Variants in OSTN observed in about 807,000 individuals in gnomAD.
OSTN encodes the protein osteocrin.
Under a neutral mutation model 12.0 loss-of-function variants are expected in OSTN, and 9 were observed. That is an observed-to-expected ratio of 0.75 (90% CI 0.45 to 1.30). The LOEUF (loss-of-function observed/expected upper bound fraction) is 1.30, where lower values mean the gene tolerates loss of function less well. OSTN is among the 50% of genes most tolerant of loss of function. OSTN has a pLI of 0.00. For missense variants in OSTN, 148 were observed against 152.3 expected, an observed-to-expected ratio of 0.97 and a Z score of 0.15; for synonymous variants, 59 against 56.9, an observed-to-expected ratio of 1.04 and a Z score of -0.16.
chr3:191,202,986 A>G (rs1276916484), intron 1 of OSTN, among the ~76,000 whole-genome samples: 3 of 152,220 alleles, frequency 2.0e-5, no homozygotes, highest in Non-Finnish European at 4.4e-5. Context: ...TAAAGTTTAG[A>G]GGAATGATTA....
At position 191,212,613 on chromosome 3, in the gene OSTN, A is replaced by G. The variant is rs747015348; in HGVS notation, c.81A>G (p.Ser27=). ...TGTGGAGCTCAGGAAAAGTCCTCTC[A>G]GTAGATGTAACAACAACAGAGGTAA... The part of the protein sequence containing the change: ...LTLWSSGKVL[S]VDVTTTEAFD... Residue 27 remains serine (S), a synonymous_variant, in exon 2 of 5, where the codon TCA becomes TCG. Coordinates refer to ENST00000682035, the MANE Select transcript of OSTN (RefSeq NM_198184.2). 43 of 1,570,032 alleles carry G rather than the reference A, an allele frequency of 2.7e-5. No individual in the cohort carries two copies.
intron 1 of OSTN, among the ~76,000 whole-genome samples, chr3:191,211,804 C>T (rs533519309): frequency 2.2e-4 from 33 of 152,002 alleles, no homozygotes; most frequent in African/African-American, 7.5e-4. Flanking sequence ...ATAACTTTGG[C>T]CCATTTTTAT....
intron 3 of OSTN, among the ~76,000 whole-genome samples, chr3:191,223,083 A>G (rs1233560561): frequency 1.7e-4 from 26 of 152,290 alleles, no homozygotes; most frequent in Admixed American, 1.5e-3. Context: ...CCTTCATAGC[A>G]GTGTGAGAAT....
chr3:191,262,698 G>A (rs1051304697), intron 4 of OSTN, among the ~76,000 whole-genome samples, 168 bp from the exon 5 acceptor site: 7 of 152,110 alleles, frequency 4.6e-5, no homozygotes, highest in African/African-American at 1.4e-4. Context: ...AACTGAAATT[G>A]TTATTTTGCA....
At chr3:191,239,963 C>A (rs1315032084) in intron 3 of OSTN, among the ~76,000 whole-genome samples, 1 of 152,118 alleles carries the variant, frequency 6.6e-6, no homozygotes, top group African/African-American at 2.4e-5. Flanking sequence ...CAACAGGAAG[C>A]CCTGTGAAAT....
intron 1 of OSTN, among the ~76,000 whole-genome samples, chr3:191,204,078 CG>C (rs1159332213): frequency 2.6e-5 from 4 of 152,062 alleles, no homozygotes; most frequent in Non-Finnish European, 5.9e-5. Flanking sequence ...GTAGTAGAAA[CG>C]GGGTTTCACC....
chr3:191,226,690 T>C (rs1274767853), intron 3 of OSTN, among the ~76,000 whole-genome samples: 1 of 152,164 alleles, frequency 6.6e-6, no homozygotes, highest in Non-Finnish European at 1.5e-5. Context: ...TGCCCATAGA[T>C]AGATCAGAAG....
intron 4 of OSTN, among the ~76,000 whole-genome samples, chr3:191,253,561 C>A (rs1715609378): frequency 6.6e-6 from 1 of 152,190 alleles, no homozygotes; most frequent in African/African-American, 2.4e-5. Flanking sequence ...AGCATGACCA[C>A]AACCAGGTTT....
intron 2 of OSTN, among the ~76,000 whole-genome samples, chr3:191,215,716 A>T (rs1714591474): frequency 6.6e-6 from 1 of 152,214 alleles, no homozygotes; most frequent in Non-Finnish European, 1.5e-5. Context: ...TCCATGTCTC[A>T]CATCCAGGTC....
intron 1 of OSTN, among the ~76,000 whole-genome samples, chr3:191,209,627 TAG>T (rs1311028627): frequency 1.3e-5 from 2 of 152,244 alleles, no homozygotes; most frequent in Non-Finnish European, 2.9e-5. Context: ...ATAAATGTTA[TAG>T]ACAGTGCTAA....
rs575960197 is a variant in OSTN at position 191,249,900 on chromosome 3, G to A, written c.318-137G>A. ...TATGAGATAGTGTCTGGCACATAGT[G>A]AGTACTGGTGAGTGGGAACTATCAT... On this transcript the variant is annotated intron_variant, in intron 3 of 4. Transcript: ENST00000682035. 78 of 628,362 alleles carry A rather than the reference G, an allele frequency of 1.2e-4. No individual in the cohort carries two copies. In the South Asian group the frequency reaches 1.5e-3, roughly 12 times the overall value. The allele number at this position is 628,362 out of a possible 1,614,324, so 38.9% of individuals were successfully genotyped here. A position where few individuals can be genotyped will look rare whatever the true frequency, so the allele number is the denominator to read the frequency against.
intron 4 of OSTN, among the ~76,000 whole-genome samples, chr3:191,250,485 A>C (rs1016347762): frequency 2.0e-5 from 3 of 152,194 alleles, no homozygotes; most frequent in African/African-American, 7.2e-5. Context: ...TCCTTGCGTT[A>C]TGAAGAAGAC....
At chr3:191,222,952 T>C (rs1714806329) in intron 3 of OSTN, among the ~76,000 whole-genome samples, 1 of 152,136 alleles carries the variant, frequency 6.6e-6, no homozygotes, top group Non-Finnish European at 1.5e-5. Context: ...CTTCTCCTTC[T>C]ACCATGATTG....
At chr3:191,200,923 G>A (rs893628919) in intron 1 of OSTN, among the ~76,000 whole-genome samples, 2 of 152,004 alleles carry the variant, frequency 1.3e-5, no homozygotes, top group Non-Finnish European at 2.9e-5. Context: ...TTCTGACTTC[G>A]ACAGCTTTAT....
At chr3:191,231,130 TG>T (rs1215559286) in intron 3 of OSTN, among the ~76,000 whole-genome samples, 1 of 152,300 alleles carries the variant, frequency 6.6e-6, no homozygotes, top group Non-Finnish European at 1.5e-5. Flanking sequence ...TTCCTCTTTT[TG>T]TTCTGAAAGC....
chr3:191,201,278 C>T (rs867065572), intron 1 of OSTN, among the ~76,000 whole-genome samples: 4 of 151,992 alleles, frequency 2.6e-5, no homozygotes, highest in African/African-American at 7.3e-5. Context: ...CTCTCTCTTC[C>T]TCTTCAACAA....
chr3:191,214,476 C>T (rs947364297), intron 2 of OSTN, among the ~76,000 whole-genome samples: 1 of 137,808 alleles, frequency 7.3e-6, no homozygotes, highest in South Asian at 2.4e-4. Context: ...CAACAAAAAA[C>T]CACCACTGAT....
chr3:191,251,875 A>T (rs77138097), intron 4 of OSTN, among the ~76,000 whole-genome samples: 4,465 of 152,246 alleles, frequency 0.029, 231 homozygotes, highest in East Asian at 0.23. Flanking sequence ...AAACCAAGTA[A>T]CTCTTTGAGT....
intron 3 of OSTN, among the ~76,000 whole-genome samples, chr3:191,229,157 A>G (rs1219054570): frequency 1.3e-5 from 2 of 152,246 alleles, no homozygotes; most frequent in Non-Finnish European, 2.9e-5. Context: ...AGTTTCTTCC[A>G]TAAATAAATT....
Sources: gnomAD v4.1 joint callset for allele counts (sites outside exome capture counted in the v4.1 genomes callset) on GRCh38, gnomAD v4.1.1 for gene constraint, MANE v1.5 for transcripts, NCBI Gene and HGNC (gene_info 2026-07-23, HGNC 2026-07-21) for gene names.